Variants in HIVEP3 observed in about 807,000 individuals in gnomAD.
HIVEP3 encodes the protein HIVEP zinc finger 3.
HIVEP3 carries 49 observed loss-of-function variants against 152.8 expected under a neutral mutation model. The observed-to-expected ratio is 0.32, with a 90% confidence interval of 0.26 to 0.41. The LOEUF (loss-of-function observed/expected upper bound fraction) is 0.41, where lower values mean the gene tolerates loss of function less well. Ranked by LOEUF, HIVEP3 falls within the 10% of genes least tolerant of loss-of-function variation. The probability of loss-of-function intolerance (pLI) is 1.00; values close to 1 mark genes in which losing one functional copy is unlikely to be tolerated. For missense variants in HIVEP3, 2,790 were observed against 3,103.3 expected (o/e 0.90, Z 2.40); for synonymous variants, 1,269 against 1,289.0 (o/e 0.98, Z 0.33).
At chr1:41,825,022 C>T (rs1314374858) in intron 1 of HIVEP3, among the ~76,000 whole-genome samples, 1 of 151,758 alleles carries the variant, frequency 6.6e-6, no homozygotes, top group Non-Finnish European at 1.5e-5. Flanking sequence ...ACAGGTGTTA[C>T]CCATGTCTGT....
At chr1:41,964,905 G>C (rs572740972) in intron 1 of HIVEP3, among the ~76,000 whole-genome samples, 3 of 152,384 alleles carry the variant, frequency 2.0e-5, no homozygotes, top group Admixed American at 1.3e-4. Context: ...TTCTGCCAAG[G>C]GGCAGCCAGA....
At chr1:41,562,635 C>CTT (rs1339783475) in intron 5 of HIVEP3, among the ~76,000 whole-genome samples, 112 of 95,794 alleles carry the variant, frequency 1.2e-3, no homozygotes, top group African/African-American at 4.3e-3. Flanking sequence ...CTCTCTCTCC[C>CTT]TCTCTCTCTC....
At chr1:41,960,267 C>T (rs567482117) in intron 1 of HIVEP3, among the ~76,000 whole-genome samples, 12 of 152,106 alleles carry the variant, frequency 7.9e-5, no homozygotes, top group Admixed American at 3.3e-4. Flanking sequence ...ACCATGGAGA[C>T]GGTAGTTTGT....
chr1:41,806,854 C>T (rs1650651195), intron 1 of HIVEP3, among the ~76,000 whole-genome samples: 1 of 152,138 alleles, frequency 6.6e-6, no homozygotes, highest in Non-Finnish European at 1.5e-5. Flanking sequence ...CAAGAGAGGT[C>T]AAGACGACAG....
intron 5 of HIVEP3, among the ~76,000 whole-genome samples, chr1:41,552,132 G>A (rs190059010): frequency 8.2e-4 from 125 of 152,150 alleles, no homozygotes; most frequent in African/African-American, 2.7e-3. Context: ...CCTTCATTTC[G>A]TTATTTATGC....
At chr1:41,868,249 TAG>T (rs1256722407) in intron 1 of HIVEP3, among the ~76,000 whole-genome samples, 2 of 148,738 alleles carry the variant, frequency 1.3e-5, no homozygotes, top group African/African-American at 4.9e-5. Context: ...CTCTGTCAAA[TAG>T]AGTCTGACTT....
At position 41,664,343 on chromosome 1, in the gene HIVEP3, A is replaced by G. The variant is rs957824939; in HGVS notation, c.-720-35396T>C. Among the ~76,000 whole-genome samples the G allele has an allele frequency of 9.9e-5, 15 of 152,156 alleles. No individual in the cohort carries two copies. Among genetic ancestry groups the G allele is most frequent in the African/African-American group, 3.6e-4 (15 of 41,420 alleles). ...GGGTGACTTTCTATCATTCACACAC[A>G]CAGGCTCAGATGACAGCCTTGCTCC... is the stretch of plus-strand genomic sequence containing the variant. On this transcript the variant is annotated intron_variant, in intron 2 of 8. Coordinates refer to ENST00000372583, the MANE Select transcript of HIVEP3 (RefSeq NM_024503.5). This position sits in a 1 kb window ranked among gnomAD's most constrained non-coding sequence, Gnocchi z 4.4.
intron 2 of HIVEP3, among the ~76,000 whole-genome samples, chr1:41,663,196 T>C (rs78712256): frequency 6.3e-4 from 96 of 152,312 alleles, no homozygotes; most frequent in African/African-American, 2.2e-3. Flanking sequence ...GTTATTTCAC[T>C]GATGCCCACC....
chr1:41,970,652 G>A (rs982794013), intron 1 of HIVEP3, among the ~76,000 whole-genome samples: 4 of 152,160 alleles, frequency 2.6e-5, no homozygotes, highest in Admixed American at 2.0e-4. Context: ...ATTTACCTAT[G>A]TAACAAACCT....
intron 1 of HIVEP3, among the ~76,000 whole-genome samples, chr1:41,875,252 C>G (rs1458884571): frequency 1.3e-5 from 2 of 152,326 alleles, no homozygotes; most frequent in African/African-American, 4.8e-5. Flanking sequence ...CTCCCCTGTA[C>G]CCTGTCTTTG....
intron 5 of HIVEP3, among the ~76,000 whole-genome samples, chr1:41,534,885 G>C (rs1303744987): frequency 6.6e-6 from 1 of 152,222 alleles, no homozygotes. Context: ...CAGAGCGGGA[G>C]AGGTGGGCAG....
chr1:41,783,733 A>C (rs1649187084), intron 1 of HIVEP3, among the ~76,000 whole-genome samples: 1 of 152,150 alleles, frequency 6.6e-6, no homozygotes, highest in African/African-American at 2.4e-5. Flanking sequence ...ACTTTTTCAG[A>C]ATGAAGGGGC....
At chr1:41,797,606 C>A (rs1044168349) in intron 1 of HIVEP3, among the ~76,000 whole-genome samples, 4 of 152,174 alleles carry the variant, frequency 2.6e-5, no homozygotes, top group African/African-American at 4.8e-5. Flanking sequence ...CAGCAAAAGT[C>A]CCAAGTCCGG....
intron 5 of HIVEP3, among the ~76,000 whole-genome samples, chr1:41,529,409 CCA>C (rs1366362483): frequency 7.0e-6 from 1 of 142,428 alleles, no homozygotes; most frequent in Non-Finnish European, 1.5e-5. Context: ...TGCTCATACC[CCA>C]CACCCTCACA....
At chr1:41,639,515 T>C (rs369871845) in intron 2 of HIVEP3, among the ~76,000 whole-genome samples, 18 of 152,366 alleles carry the variant, frequency 1.2e-4, no homozygotes, top group African/African-American at 4.3e-4. Flanking sequence ...GAACCCAGTA[T>C]ACAAAAGGCA....
chr1:41,597,715 G>C (rs990426456), intron 3 of HIVEP3, among the ~76,000 whole-genome samples: 20 of 152,184 alleles, frequency 1.3e-4, no homozygotes, highest in Admixed American at 2.0e-4. Flanking sequence ...TGACACTGCA[G>C]GTAACCAAAC....
intron 1 of HIVEP3, among the ~76,000 whole-genome samples, chr1:41,800,839 T>A (rs1479004214): frequency 6.6e-6 from 1 of 152,168 alleles, no homozygotes; most frequent in Admixed American, 6.5e-5. Flanking sequence ...TGGGCTAGGA[T>A]ATGCCCTTCC....
At chr1:41,627,329 T>C (rs1645131575) in intron 3 of HIVEP3, among the ~76,000 whole-genome samples, 1 of 152,226 alleles carries the variant, frequency 6.6e-6, no homozygotes, top group Non-Finnish European at 1.5e-5. Flanking sequence ...AATTTGCCTC[T>C]TAAACCAGTA....
At chr1:41,896,023 A>C (rs1644522201) in intron 1 of HIVEP3, among the ~76,000 whole-genome samples, 1 of 152,226 alleles carries the variant, frequency 6.6e-6, no homozygotes, top group Non-Finnish European at 1.5e-5. Context: ...TGAGTGACTC[A>C]TAGTTACTTC....
Sources: gnomAD v4.1 joint callset for allele counts (sites outside exome capture counted in the v4.1 genomes callset) on GRCh38, gnomAD v4.1.1 for gene constraint, Gnocchi (gnomAD v3.1) non-coding constraint, MANE v1.5 for transcripts, NCBI Gene and HGNC (gene_info 2026-07-23, HGNC 2026-07-21) for gene names.